The following PGAM5 variants were observed in gnomAD, a reference collection of about 807,000 sequenced individuals.
PGAM5 encodes the protein serine/threonine-protein phosphatase PGAM5, mitochondrial.
PGAM5 carries 25 observed loss-of-function variants against 30.6 expected under a neutral mutation model. The ratio of observed to expected loss-of-function variants is 0.82; its 90% confidence interval spans 0.60 to 1.14. PGAM5 has a LOEUF of 1.14. Among genes scored for constraint, PGAM5 ranks in the 50% most tolerant of loss-of-function variants. PGAM5 has a pLI of 0.00. For missense variants in PGAM5, 384 were observed against 408.5 expected, an observed-to-expected ratio of 0.94 and a Z score of 0.52; for synonymous variants, 201 against 179.1, an observed-to-expected ratio of 1.12 and a Z score of -0.98.
At chr12:132,719,521 C>T (rs2043622218) in intron 5 of PGAM5, among the ~76,000 whole-genome samples, 1 of 152,218 alleles carries the variant, frequency 6.6e-6, no homozygotes, top group Admixed American at 6.5e-5. Flanking sequence ...TCGTTGCCTC[C>T]TGTCTGTGCT....
chr12:132,718,785 G>C, intron 5 of PGAM5: 1 of 1,613,620 alleles, frequency 6.2e-7, no homozygotes, highest in South Asian at 1.1e-5. Context: ...TTGTCCGCTG[G>C]GGATTTTGTG....
rs775070373 is a variant in PGAM5, at chr12:132,718,096, A to G, written c.695A>G (p.Asn232Ser). The stretch of plus-strand genomic sequence containing the variant: ...TACGAGATCTTCATCTGTCACGCCA[A>G]CGTCATCCGCTACATCGTGTGCAGG... Reference protein sequence around the residue: ...DSYEIFICHANVIRYIVCRAL... With the variant: ...DSYEIFICHASVIRYIVCRAL... Residue 232 changes from asparagine (N) to serine (S), a missense_variant, in exon 5 of 6, where the codon AAC becomes AGC. By Grantham distance (46) the Asn-to-Ser change is conservative. Transcript: ENST00000498926. 9.3e-6 allele frequency: 15 copies of G among 1,612,702 alleles called. No individual in the cohort carries two copies. Among genetic ancestry groups the G allele is most frequent in the Non-Finnish European group, 1.3e-5 (15 of 1,179,954 alleles).
At chr12:132,718,975 A>G in intron 5 of PGAM5, 2 of 1,474,680 alleles carry the variant, frequency 1.4e-6, no homozygotes, top group Non-Finnish European at 1.8e-6. Flanking sequence ...CCCCACTCTC[A>G]GCACCACAGA....
chr12:132,720,286 C>T (rs192858609), intron 5 of PGAM5, among the ~76,000 whole-genome samples: 10 of 150,572 alleles, frequency 6.6e-5, no homozygotes, highest in Admixed American at 3.3e-4. Flanking sequence ...CTTTTAAGGA[C>T]AGAGTCCCCT....
At chr12:132,711,388 G>A (rs926994082) in intron 1 of PGAM5, 6 of 201,504 alleles carry the variant, frequency 3.0e-5, no homozygotes, top group African/African-American at 1.4e-4. Context: ...CCTCCTTCAG[G>A]GGCGTTTGCA....
chr12:132,713,488 G>C (rs2043541515), intron 1 of PGAM5, among the ~76,000 whole-genome samples: 1 of 152,090 alleles, frequency 6.6e-6, no homozygotes, highest in Non-Finnish European at 1.5e-5. Context: ...GGCTCAGCCT[G>C]ACTCCCCCAT....
Position 132,717,696 on chromosome 12 carries a change from G to A in PGAM5, c.497-14G>A. The stretch of plus-strand genomic sequence containing the variant: ...GGGCCGCCTCACCCAGCGCTTCGCT[G>A]TGCTTCTCTGCAGGCGTCTGCAAAG... On this transcript the variant is annotated splice_polypyrimidine_tract_variant and intron_variant, in intron 3 of 5. Transcript: ENST00000498926. The A allele has an allele frequency of 1.9e-6, 3 of 1,567,736 alleles. No homozygotes were observed. Among genetic ancestry groups the A allele is most frequent in the Admixed American group, 1.9e-5 (1 of 53,064 alleles).
chr12:132,717,571 G>A lies in PGAM5; in HGVS notation c.496+7G>A. On this transcript the variant is annotated splice_region_variant and intron_variant, in intron 3 of 5. Coordinates refer to ENST00000498926, the MANE Select transcript of PGAM5 (RefSeq NM_001170543.2). The stretch of plus-strand genomic sequence containing the variant: ...ATCAGCCGGCACCTGCCAGGTGAGT[G>A]CTGCGCGCGGGGCCTCCATGCTTGC... 2 of 1,610,366 alleles carry A rather than the reference G, an allele frequency of 1.2e-6. No homozygotes were observed. Among genetic ancestry groups the A allele is most frequent in the Non-Finnish European group, 1.7e-6 (2 of 1,179,762 alleles).
intron 1 of PGAM5, 159 bp downstream of exon 1, chr12:132,711,226 C>T (rs2043518819): frequency 1.9e-6 from 1 of 532,280 alleles, no homozygotes; most frequent in Non-Finnish European, 2.7e-6. Flanking sequence ...CGGGGCCGCT[C>T]TGCGCGGAGG....
chr12:132,720,843 C>T lies in PGAM5; in HGVS notation c.*15C>T. 2 of 1,534,972 alleles carry T rather than the reference C, an allele frequency of 1.3e-6. No individual in the cohort carries two copies. The highest frequency in any genetic ancestry group is 4.9e-5 in the East Asian group (2 of 40,874). ...CTCGATCCTGAGGGCTCCGGCCTCT[C>T]CTTCCCTCTGTCCTCCCTGCACAGG... On this transcript the variant is annotated 3_prime_UTR_variant, in exon 6 of 6. Transcript: ENST00000498926.
chr12:132,719,037 C>T, intron 5 of PGAM5: 2 of 1,430,190 alleles, frequency 1.4e-6, no homozygotes, highest in Non-Finnish European at 1.8e-6. Flanking sequence ...CAATCAGCCA[C>T]TTCTTTAAGG....
At chr12:132,720,602 G>A (rs975242591) in intron 5 of PGAM5, 76 bp from the exon 6 acceptor site, 16 of 1,447,366 alleles carry the variant, frequency 1.1e-5, no homozygotes, top group African/African-American at 2.9e-5. Flanking sequence ...CACCATGCCC[G>A]GCCTAGCTCA....
chr12:132,716,275 C>T (rs1171037328), intron 2 of PGAM5, among the ~76,000 whole-genome samples: 4 of 152,116 alleles, frequency 2.6e-5, no homozygotes, highest in East Asian at 1.9e-4. Context: ...TTAGTAGAGA[C>T]GGGGTTTCAC....
At position 132,720,850 on chromosome 12, in the gene PGAM5, T is replaced by A. The variant is rs746248069; in HGVS notation, c.*22T>A. ...CTGAGGGCTCCGGCCTCTCCTTCCC[T>A]CTGTCCTCCCTGCACAGGCCGCACA... On this transcript the variant is annotated 3_prime_UTR_variant, in exon 6 of 6. Transcript: ENST00000498926. The A allele has an allele frequency of 6.4e-5, 98 of 1,533,574 alleles. No individual in the cohort carries two copies. In the Admixed American group the frequency reaches 9.4e-4, roughly 15 times the overall value. 95.0% of individuals were successfully genotyped at this position (1,533,574 alleles called of 1,614,324 possible).
rs74503253 is a variant in PGAM5 at position 132,717,524 on chromosome 12, C to T, written c.456C>T (p.Arg152=). The stretch of plus-strand genomic sequence containing the variant: ...AAATCGTCCATTCGTCTATGACGCG[C>T]GCCATAGAGACCACCGATATCATCA... The part of the protein sequence containing the change: ...FNKIVHSSMT[R]AIETTDIISR... Residue 152 remains arginine (R), a synonymous_variant, in exon 3 of 6, where the codon CGC becomes CGT. Transcript: ENST00000498926. 211 of 1,610,842 alleles carry T rather than the reference C, an allele frequency of 1.3e-4. 1 individual carries two copies. In the East Asian group the frequency reaches 2.2e-3, roughly 17 times the overall value.
At chr12:132,711,130 G>T in intron 1 of PGAM5, 63 bp downstream of exon 1, 11 of 1,139,124 alleles carry the variant, frequency 9.7e-6, no homozygotes, top group Non-Finnish European at 1.2e-5. Context: ...TTACCGTTGG[G>T]ATCGAGATCG....
intron 1 of PGAM5, 71 bp downstream of exon 1, chr12:132,711,138 T>C: frequency 9.2e-7 from 1 of 1,091,738 alleles, no homozygotes; most frequent in Non-Finnish European, 1.1e-6. Context: ...GGGATCGAGA[T>C]CGGGACCAGG....
intron 1 of PGAM5, among the ~76,000 whole-genome samples, chr12:132,713,858 G>T (rs1004842176): frequency 6.6e-6 from 1 of 151,450 alleles, no homozygotes; most frequent in Non-Finnish European, 1.5e-5. Flanking sequence ...TTGTAGAGAC[G>T]GGGTCCCCCT....
At position 132,714,963 on chromosome 12, in the gene PGAM5, C is replaced by T. The variant is rs774656365; in HGVS notation, c.297C>T (p.His99=). 1 of 1,613,544 alleles carries T rather than the reference C, an allele frequency of 6.2e-7. No homozygotes were observed. Among genetic ancestry groups the T allele is most frequent in the Non-Finnish European group, 8.5e-7 (1 of 1,180,002 alleles). ...LDHYKAKATR[H]IFLIRHSQYH... is the part of the protein sequence containing the mutation. ...ACTACAAAGCCAAGGCCACGCGGCA[C>T]ATCTTCCTCATCAGGCATTCCCAGT... The change falls in exon 2 of 6, where the codon CAC becomes CAT. Residue 99 remains histidine (H), a synonymous_variant. Transcript: ENST00000498926.
Sources: allele counts gnomAD v4.1 joint callset (sites outside exome capture counted in the v4.1 genomes callset), GRCh38; gene constraint gnomAD v4.1.1; transcripts MANE v1.5; gene names NCBI Gene and HGNC (gene_info 2026-07-23, HGNC 2026-07-21).